Variants in UBXN4 observed in about 807,000 individuals in gnomAD.
UBXN4 encodes the protein UBX domain protein 4.
UBXN4 carries 35 observed loss-of-function variants against 66.2 expected under a neutral mutation model. The ratio of observed to expected loss-of-function variants is 0.53; its 90% CI spans 0.40 to 0.70. UBXN4 has a LOEUF of 0.70. Among genes scored for constraint, UBXN4 ranks in the 30% least tolerant of loss-of-function variants. The probability of loss-of-function intolerance (pLI) is 0.00; values close to 1 mark genes in which losing one functional copy is unlikely to be tolerated. For synonymous variants in UBXN4, 203 were observed against 204.5 expected, an observed-to-expected ratio of 0.99 and a Z score of 0.06; for missense variants, 533 against 599.8, an observed-to-expected ratio of 0.89 and a Z score of 1.16.
chr2:135,744,469 G>A (rs1244366014), intron 1 of UBXN4, among the ~76,000 whole-genome samples: 1 of 151,816 alleles, frequency 6.6e-6, no homozygotes, highest in Non-Finnish European at 1.5e-5. Context: ...TAATACTTGG[G>A]AAGGTAGAAT....
intron 5 of UBXN4, among the ~76,000 whole-genome samples, chr2:135,755,907 A>G (rs1183472223): frequency 1.3e-5 from 2 of 152,224 alleles, no homozygotes; most frequent in African/African-American, 4.8e-5. Flanking sequence ...TCAACAATCC[A>G]GAGCAATTGA....
chr2:135,750,437 C>G (rs113474686), intron 2 of UBXN4, among the ~76,000 whole-genome samples: 36 of 152,068 alleles, frequency 2.4e-4, no homozygotes, highest in African/African-American at 8.0e-4. Flanking sequence ...ACCCGGGAGG[C>G]AGAGCTTGCA....
At chr2:135,770,224 G>C (rs568090975) in intron 7 of UBXN4, among the ~76,000 whole-genome samples, 1 of 152,230 alleles carries the variant, frequency 6.6e-6, no homozygotes, top group South Asian at 2.1e-4. Flanking sequence ...ATACCTAACT[G>C]TGTAGCATGT....
In UBXN4 at chr2:135,784,665, A is replaced by G. The variant is rs1214432062; in HGVS notation, c.*1778A>G. 6.6e-6 allele frequency: 1 copy of G among 152,662 alleles called. No individual in the cohort carries two copies. Among genetic ancestry groups the G allele is most frequent in the African/African-American group, 2.4e-5 (1 of 41,462 alleles). 9.5% of individuals were successfully genotyped at this position (152,662 alleles called of 1,614,324 possible). On this transcript the variant is annotated 3_prime_UTR_variant, in exon 13 of 13. Coordinates refer to ENST00000272638, the MANE Select transcript of UBXN4 (RefSeq NM_014607.4). ...GTTTGTCATCTTTAAAAATACAGCA[A>G]TATGTGACTTTTTAAAAAAGCTGTC...
Position 135,782,974 on chromosome 2 carries a change from A to G in UBXN4, c.*87A>G, listed in dbSNP as rs1454609511. On this transcript the variant is annotated 3_prime_UTR_variant, in exon 13 of 13. Coordinates refer to ENST00000272638, the MANE Select transcript of UBXN4 (RefSeq NM_014607.4). ...TCTACTGGAGAAGTGGGACTGCTTTATATTTTCCAACTGGTCTATAAAATG... is the reference window on the plus strand; with the variant it reads ...TCTACTGGAGAAGTGGGACTGCTTTGTATTTTCCAACTGGTCTATAAAATG... 7 of 1,413,340 alleles carry G rather than the reference A, an allele frequency of 5.0e-6. No homozygotes were observed. In the African/African-American group the frequency reaches 1.0e-4, roughly 20 times the overall value. The allele number at this position is 1,413,340 out of a possible 1,614,324, so 87.5% of individuals were successfully genotyped here. A position where few individuals can be genotyped will look rare whatever the true frequency, so the allele number is the denominator to read the frequency against.
At chr2:135,753,699 T>TA (rs2077261266) in intron 3 of UBXN4, 132 bp downstream of exon 3, 1 of 785,222 alleles carries the variant, frequency 1.3e-6, no homozygotes, top group Non-Finnish European at 1.9e-6. Flanking sequence ...ACTTTATTAC[T>TA]AAGTGTCCTC....
At chr2:135,742,044 G>A in intron 1 of UBXN4, 33 bp downstream of exon 1, 1 of 1,607,046 alleles carries the variant, frequency 6.2e-7, no homozygotes, top group Non-Finnish European at 8.5e-7. Context: ...AGGCGGCCGG[G>A]ACACCCCTCC....
chr2:135,753,480 C>T, intron 2 of UBXN4, 59 bp from the exon 3 acceptor site: 1 of 1,432,256 alleles, frequency 7.0e-7, no homozygotes, highest in South Asian at 1.5e-5. Flanking sequence ...ATTAAAACAA[C>T]TCAGTATTTA....
chr2:135,780,101 G>A, intron 11 of UBXN4, 82 bp from the exon 12 acceptor site: 1 of 1,391,360 alleles, frequency 7.2e-7, no homozygotes, highest in Non-Finnish European at 1.0e-6. Flanking sequence ...TCCTTTTCCA[G>A]ATAAAAGTTT....
intron 1 of UBXN4, among the ~76,000 whole-genome samples, chr2:135,743,216 T>TA (rs1431376388): frequency 6.6e-6 from 1 of 152,262 alleles, no homozygotes; most frequent in Non-Finnish European, 1.5e-5. Context: ...TTGGAATTTA[T>TA]AATTGTTTTG....
intron 5 of UBXN4, 120 bp from the exon 6 acceptor site, chr2:135,761,698 G>A: frequency 1.2e-6 from 1 of 829,996 alleles, no homozygotes; most frequent in Non-Finnish European, 1.7e-6. Context: ...CCATTTTTAG[G>A]GAAAATATAT....
chr2:135,782,941 A>G lies in UBXN4; in HGVS notation c.*54A>G. The G allele has an allele frequency of 7.1e-6, 11 of 1,553,290 alleles. No homozygotes were observed. The highest frequency in any genetic ancestry group is 9.6e-6 in the Non-Finnish European group (11 of 1,146,998). ...ATTGTTTCTCTTATGATTTAATTCA[A>G]CTAAAATTCTACTGGAGAAGTGGGA... is the stretch of plus-strand genomic sequence containing the variant. On this transcript the variant is annotated 3_prime_UTR_variant, in exon 13 of 13. Transcript: ENST00000272638.
At chr2:135,769,002 T>TC (rs2077365873) in intron 6 of UBXN4, among the ~76,000 whole-genome samples, 1 of 151,996 alleles carries the variant, frequency 6.6e-6, no homozygotes, top group African/African-American at 2.4e-5. Context: ...ACACCCAGCC[T>TC]CCATTTGTTT....
At chr2:135,751,273 G>A (rs1390263877) in intron 2 of UBXN4, among the ~76,000 whole-genome samples, 3 of 151,200 alleles carry the variant, frequency 2.0e-5, no homozygotes, top group African/African-American at 4.9e-5. Context: ...TGCAAGCTCC[G>A]CCTCCCGGGC....
intron 6 of UBXN4, among the ~76,000 whole-genome samples, chr2:135,763,497 A>G (rs902590774): frequency 6.6e-6 from 1 of 152,186 alleles, no homozygotes; most frequent in African/African-American, 2.4e-5. Context: ...GGTATTTTAA[A>G]ATCTATTTCA....
chr2:135,775,352 C>T (rs911556199), intron 9 of UBXN4, among the ~76,000 whole-genome samples: 3 of 152,220 alleles, frequency 2.0e-5, no homozygotes, highest in African/African-American at 7.2e-5. Flanking sequence ...AAAACCTGTA[C>T]ATGAGTATAG....
chr2:135,755,492 A>G (rs777297321), intron 4 of UBXN4, 25 bp from the exon 5 acceptor site: 10 of 1,516,524 alleles, frequency 6.6e-6, no homozygotes, highest in African/African-American at 1.4e-5. Flanking sequence ...TCTATTAATT[A>G]AAATCCAATT....
rs2077259151 is a variant in UBXN4 at position 135,753,429 on chromosome 2, G to T, written c.186-110G>T. 1.0e-5 allele frequency: 8 copies of T among 802,746 alleles called. No individual in the cohort carries two copies. In the South Asian group the frequency reaches 2.2e-4, roughly 22 times the overall value. The allele number at this position is 802,746 out of a possible 1,614,324, so 49.7% of individuals were successfully genotyped here. A position where few individuals can be genotyped will look rare whatever the true frequency, so the allele number is the denominator to read the frequency against. ...AACCTGATTGCTGTGAAAGAAACTG[G>T]TAGTTGCAGGAAAATACTTGTGATT... On this transcript the variant is annotated intron_variant, in intron 2 of 12. Transcript: ENST00000272638.
In UBXN4 at chr2:135,780,352, CA is replaced by C; in HGVS notation, c.1358del (p.Asn453ThrfsTer14). Reference sequence around the variant, plus strand: ...GTGAGAGTAACATCGTCAGAACCCCCAAACCCTGCATCATCTAGCAAATCAG... The same window carrying C: ...GTGAGAGTAACATCGTCAGAACCCCCAACCCTGCATCATCTAGCAAATCAG... ...TSVRVTSSEP[P>X]NPASSSKSEK... On this transcript the variant is annotated frameshift_variant, in exon 12 of 13. Transcript: ENST00000272638. LOFTEE classifies it high-confidence loss of function. 6.2e-7 allele frequency: 1 copy of C among 1,614,156 alleles called. No homozygotes were observed.
Sources: allele counts gnomAD v4.1 joint callset (sites outside exome capture counted in the v4.1 genomes callset), GRCh38; gene constraint gnomAD v4.1.1; transcripts MANE v1.5; gene names NCBI Gene and HGNC (gene_info 2026-07-23, HGNC 2026-07-21).